USP15: variants seen among roughly 807,000 people sequenced by gnomAD.
USP15 encodes ubiquitin specific peptidase 15, also known as ubiquitin carboxyl-terminal hydrolase 15.
Under a neutral mutation model 127.1 loss-of-function variants are expected in USP15, and 18 were observed. The ratio of observed to expected loss-of-function variants is 0.14; its 90% confidence interval spans 0.10 to 0.21. USP15 has a LOEUF of 0.21. Among genes scored for constraint, USP15 ranks in the 10% least tolerant of loss-of-function variants. The pLI, the probability that USP15 is intolerant of heterozygous loss-of-function variation, is 1.00. For missense variants in USP15, 805 were observed against 1,159.9 expected (o/e 0.69, Z 4.44); for synonymous variants, 364 against 393.7 (o/e 0.92, Z 0.89).
At chr12:62,300,116 A>G (rs186149509) in intron 2 of USP15, among the ~76,000 whole-genome samples, 37 of 152,068 alleles carry the variant, frequency 2.4e-4, no homozygotes, top group Admixed American at 1.2e-3. Context: ...TATATTCTTG[A>G]TGGTGACCTT....
intron 1 of USP15, among the ~76,000 whole-genome samples, chr12:62,268,439 A>G (rs2063251850): frequency 6.6e-6 from 1 of 152,170 alleles, no homozygotes; most frequent in Non-Finnish European, 1.5e-5. Flanking sequence ...TTTGTTATTA[A>G]TATCAAGAGC....
chr12:62,302,747 A>G, intron 2 of USP15, 43 bp from the exon 3 acceptor site: 1 of 1,562,332 alleles, frequency 6.4e-7, no homozygotes, highest in Non-Finnish European at 8.7e-7. Flanking sequence ...TGTCCAAACA[A>G]AGTATTTAGA....
At chr12:62,352,286 A>G (rs1276801069) in intron 7 of USP15, among the ~76,000 whole-genome samples, 1 of 151,890 alleles carries the variant, frequency 6.6e-6, no homozygotes, top group Non-Finnish European at 1.5e-5. Context: ...ATTAAAAACC[A>G]GTATTATGAA....
intron 7 of USP15, among the ~76,000 whole-genome samples, chr12:62,349,934 T>C (rs1227623266): frequency 6.6e-6 from 1 of 151,998 alleles, no homozygotes; most frequent in Non-Finnish European, 1.5e-5. Context: ...GTTTTTTTAA[T>C]TCAAAAAGGA....
chr12:62,387,539 A>AT (rs917135156), intron 11 of USP15, among the ~76,000 whole-genome samples: 1 of 152,174 alleles, frequency 6.6e-6, no homozygotes, highest in Non-Finnish European at 1.5e-5. Flanking sequence ...AGGAAAGGGA[A>AT]TTTTTTAAGG....
chr12:62,378,190 G>A (rs2066889523), intron 8 of USP15, among the ~76,000 whole-genome samples: 1 of 152,184 alleles, frequency 6.6e-6, no homozygotes, highest in African/African-American at 2.4e-5. Flanking sequence ...CTGGGTGACA[G>A]AGTGAGACTC....
chr12:62,321,324 G>A, intron 4 of USP15, 140 bp from the exon 5 acceptor site: 2 of 524,820 alleles, frequency 3.8e-6, no homozygotes, highest in Admixed American at 4.2e-5. Flanking sequence ...TTGTTGGTTT[G>A]TGTTTTATAG....
intron 7 of USP15, among the ~76,000 whole-genome samples, chr12:62,351,638 A>G (rs979449307): frequency 1.9e-4 from 29 of 152,046 alleles, no homozygotes; most frequent in Admixed American, 7.2e-4. Context: ...CTGACTGCAG[A>G]AACTATTGAG....
chr12:62,261,077 G>A (rs1187228891), intron 1 of USP15, among the ~76,000 whole-genome samples: 1 of 152,154 alleles, frequency 6.6e-6, no homozygotes, highest in African/African-American at 2.4e-5. Flanking sequence ...TGTCAAAGGA[G>A]GGAGAGGAGT....
At chr12:62,281,038 A>ATTCAGGTCTTTGTTCATTG (rs1366517819) in intron 1 of USP15, among the ~76,000 whole-genome samples, 1 of 152,170 alleles carries the variant, frequency 6.6e-6, no homozygotes, top group Non-Finnish European at 1.5e-5. Context: ...GAATATATGA[A>ATTCAGGTCTTTGTTCATTG]TTCAGGTCTT....
chr12:62,352,641 A>G (rs1592650047), intron 7 of USP15, among the ~76,000 whole-genome samples: 1 of 151,994 alleles, frequency 6.6e-6, no homozygotes, highest in Non-Finnish European at 1.5e-5. Context: ...GGAACTGTGA[A>G]TTTTGGAAAC....
chr12:62,328,738 A>G (rs1461029217), intron 6 of USP15, among the ~76,000 whole-genome samples: 1 of 152,184 alleles, frequency 6.6e-6, no homozygotes, highest in East Asian at 1.9e-4. Context: ...TTTGACAGAA[A>G]GAGGAAGGAA....
At chr12:62,338,902 G>T (rs1485416743) in intron 6 of USP15, among the ~76,000 whole-genome samples, 1 of 152,266 alleles carries the variant, frequency 6.6e-6, no homozygotes, top group South Asian at 2.1e-4. Flanking sequence ...GTCAGGTAGT[G>T]TGATGCCTCC....
At chr12:62,396,496 C>T in intron 20 of USP15, 98 bp downstream of exon 20, 1 of 1,033,674 alleles carries the variant, frequency 9.7e-7, no homozygotes, top group Non-Finnish European at 1.5e-6. Flanking sequence ...GATAAAATAT[C>T]AGATGTGTCT....
intron 1 of USP15, among the ~76,000 whole-genome samples, chr12:62,268,404 G>T (rs2063250807): frequency 6.6e-6 from 1 of 152,116 alleles, no homozygotes; most frequent in African/African-American, 2.4e-5. Context: ...TGACAGCTTT[G>T]TAATACTTGT....
rs2067255138 is a variant in USP15, at chr12:62,389,468, A to G, written c.1511A>G (p.Asp504Gly). 2 of 1,613,402 alleles carry G rather than the reference A, an allele frequency of 1.2e-6. No individual in the cohort carries two copies. The highest frequency in any genetic ancestry group is 1.7e-6 in the Non-Finnish European group (2 of 1,179,880). ...VVVPKIGNIL[D>G]LCTALSALSG... ...GTCCCCAAAATTGGAAACATATTAG[A>G]TCTTTGTACAGCATTGTCTGCTTTG... is the stretch of plus-strand genomic sequence containing the variant. The change falls in exon 12 of 22, where the codon GAT becomes GGT. Residue 504 changes from aspartate to glycine, a missense_variant. Asp to Gly is a moderately conservative substitution (Grantham distance 94). Around this residue, in one of 11 missense-constraint regions of USP15, gnomAD observed 82 missense variants for 104.4 expected, o/e 0.79. Coordinates refer to ENST00000280377, the MANE Select transcript of USP15 (RefSeq NM_001252078.2).
chr12:62,404,474 G>A lies in USP15; in HGVS notation c.*99G>A, dbSNP rs550571838. On this transcript the variant is annotated 3_prime_UTR_variant, in exon 22 of 22. Transcript: ENST00000280377. ...ACATTAAAACAAAAGTCTGAGATGG[G>A]GAGTTTCAGATAACCGAATGTAAAT... 1.2e-5 allele frequency: 17 copies of A among 1,393,160 alleles called. No homozygotes were observed. In the South Asian group the frequency reaches 2.4e-4, roughly 20 times the overall value. 86.3% of individuals were successfully genotyped at this position (1,393,160 alleles called of 1,614,324 possible). A position where few individuals can be genotyped will look rare whatever the true frequency, so the allele number is the denominator to read the frequency against.
chr12:62,390,020 T>C, intron 14 of USP15, 32 bp downstream of exon 14: 2 of 1,514,404 alleles, frequency 1.3e-6, no homozygotes, highest in Middle Eastern at 3.5e-4. Flanking sequence ...ATTGACAAAA[T>C]AAATATGGGA....
intron 8 of USP15, among the ~76,000 whole-genome samples, chr12:62,364,193 C>G (rs1342147926): frequency 1.3e-5 from 2 of 152,046 alleles, no homozygotes; most frequent in Non-Finnish European, 2.9e-5. Flanking sequence ...AATGAGACTT[C>G]GTTTGCAATA....
Sources: gnomAD v4.1 joint callset for allele counts (sites outside exome capture counted in the v4.1 genomes callset) on GRCh38, gnomAD v4.1.1 for gene constraint, gnomAD v4.1.1 regional missense constraint, MANE v1.5 for transcripts, NCBI Gene and HGNC (gene_info 2026-07-23, HGNC 2026-07-21) for gene names.